The following SPC25 variants were observed in gnomAD, a reference collection of about 807,000 sequenced individuals.
SPC25 encodes SPC25 component of NDC80 kinetochore complex.
SPC25 carries 22 observed loss-of-function variants against 29.6 expected under a neutral mutation model. That is an observed-to-expected ratio of 0.74 (90% CI 0.53 to 1.06). The LOEUF (loss-of-function observed/expected upper bound fraction) is 1.06. SPC25 is among the 50% of genes least tolerant of loss of function. The pLI is 0.00. For synonymous variants in SPC25, 91 were observed against 90.4 expected, an observed-to-expected ratio of 1.01 and a Z score of -0.04; for missense variants, 230 against 255.8, an observed-to-expected ratio of 0.90 and a Z score of 0.69.
At chr2:168,888,924 C>CGT (rs375198489) in intron 3 of SPC25, among the ~76,000 whole-genome samples, 2,491 of 87,464 alleles carry the variant, frequency 0.028, 171 homozygotes, top group African/African-American at 0.095. Flanking sequence ...ACTACATGTA[C>CGT]GTGTGTGTGT....
downstream of SPC25, among the ~76,000 whole-genome samples, chr2:168,866,547 C>G (rs1689857071): frequency 6.6e-6 from 1 of 152,020 alleles, no homozygotes. Flanking sequence ...TAGGCAATAC[C>G]ATTCAGGACA....
intron 4 of SPC25, among the ~76,000 whole-genome samples, chr2:168,863,155 T>C (rs1689580193): frequency 6.6e-6 from 1 of 152,208 alleles, no homozygotes; most frequent in African/African-American, 2.4e-5. Flanking sequence ...ATACTTTATA[T>C]TCTAAGCAGT....
chr2:168,872,438 T>C (rs112521678), intron 6 of SPC25, among the ~76,000 whole-genome samples: 3,063 of 152,264 alleles, frequency 0.02, 81 homozygotes, highest in African/African-American at 0.068. Context: ...AATAACAGTA[T>C]TGTCCTTGTA....
intron 4 of SPC25, chr2:168,864,694 T>G: frequency 3.6e-6 from 3 of 841,806 alleles, no homozygotes; most frequent in Non-Finnish European, 5.6e-6. Context: ...TTCGATACAT[T>G]TGGCTTCATC....
intron 6 of SPC25, among the ~76,000 whole-genome samples, chr2:168,872,406 T>A (rs1047205996): frequency 6.6e-6 from 1 of 152,184 alleles, no homozygotes; most frequent in Non-Finnish European, 1.5e-5. Context: ...GGGCTATTAA[T>A]CAAATGAGAC....
At chr2:168,865,302 T>C (rs898627652) in intron 4 of SPC25, 3 of 212,800 alleles carry the variant, frequency 1.4e-5, no homozygotes, top group Admixed American at 5.2e-5. Flanking sequence ...GTCAGAGTTA[T>C]CTGGTAGACA....
At chr2:168,869,135 G>A (rs1160340696), downstream of SPC25, among the ~76,000 whole-genome samples, 8 of 152,114 alleles carry the variant, frequency 5.3e-5, no homozygotes, top group Admixed American at 5.2e-4. Flanking sequence ...ATGCGGAAAA[G>A]GCCTTTGACA....
At chr2:168,866,340 G>A (rs543028851), downstream of SPC25, among the ~76,000 whole-genome samples, 14 of 152,410 alleles carry the variant, frequency 9.2e-5, no homozygotes, top group Non-Finnish European at 1.8e-4. Flanking sequence ...ACAACTATCT[G>A]ATCTTTGACA....
intron 3 of SPC25, among the ~76,000 whole-genome samples, chr2:168,884,038 G>C (rs946629868): frequency 4.9e-4 from 74 of 152,228 alleles, no homozygotes; most frequent in African/African-American, 1.6e-3. Context: ...CAAATTGCTA[G>C]GACTACAGGT....
intron 5 of SPC25, among the ~76,000 whole-genome samples, chr2:168,874,959 G>C (rs149366735): frequency 4.9e-3 from 749 of 152,218 alleles, no homozygotes; most frequent in Non-Finnish European, 8.9e-3. Context: ...TCCTTCTAGT[G>C]AATCACCAAA....
At chr2:168,869,383 A>G (rs189663023), downstream of SPC25, among the ~76,000 whole-genome samples, 25 of 152,334 alleles carry the variant, frequency 1.6e-4, no homozygotes, top group East Asian at 3.9e-3. Flanking sequence ...AAGGAAATAA[A>G]GGGCATTCAA....
At chr2:168,861,919 C>T in intron 4 of SPC25, 1 of 1,566,958 alleles carries the variant, frequency 6.4e-7, no homozygotes, top group Non-Finnish European at 8.8e-7. Flanking sequence ...ATTCATTTGC[C>T]TGCTAACACA....
At chr2:168,888,970 T>TACACAC (rs763325235) in intron 3 of SPC25, among the ~76,000 whole-genome samples, 16 of 92,106 alleles carry the variant, frequency 1.7e-4, no homozygotes, top group African/African-American at 7.9e-4. Flanking sequence ...TATATATATA[T>TACACAC]ATACACACAC....
At chr2:168,877,118 T>G in intron 4 of SPC25, 120 bp downstream of exon 4, 7 of 1,024,606 alleles carry the variant, frequency 6.8e-6, no homozygotes, top group Non-Finnish European at 9.8e-6. Flanking sequence ...TGGCTGGTTA[T>G]GCCCTGGGGT....
downstream of SPC25, among the ~76,000 whole-genome samples, chr2:168,870,579 T>G (rs1224349911): frequency 6.6e-6 from 1 of 151,760 alleles, no homozygotes; most frequent in African/African-American, 2.4e-5. Flanking sequence ...AAAGAAGACA[T>G]TTATGCAGCC....
In SPC25 at chr2:168,888,972, TAC is replaced by T. The variant is rs1553539509; in HGVS notation, c.199+252_199+253del. ...GTGTGTGTGTGTATATATATATATA[TAC>T]ACACACACATATATATGTATATATA... On this transcript the variant is annotated intron_variant, in intron 3 of 6. Coordinates refer to ENST00000282074, the MANE Select transcript of SPC25 (RefSeq NM_020675.4). Among the ~76,000 whole-genome samples the T allele has an allele frequency of 3.9e-5, 4 of 103,280 alleles. 1 individual carries two copies. Among genetic ancestry groups the T allele is most frequent in the South Asian group, 3.2e-4 (1 of 3,136 alleles). The allele number at this position is 103,280 out of a possible 152,430, so 67.8% of individuals were successfully genotyped here.
At chr2:168,874,143 T>A (rs990090982) in intron 5 of SPC25, among the ~76,000 whole-genome samples, 1 of 152,156 alleles carries the variant, frequency 6.6e-6, no homozygotes, top group Non-Finnish European at 1.5e-5. Flanking sequence ...TCAACATCAT[T>A]AGTCATTATG....
rs142395609 is a variant in SPC25, at chr2:168,888,677, T to C, written c.199+549A>G. ...ATAGGATGTTCTTTCTTAAACTGTATAGTATGTCAATGTTTATTCCTATAT... is the reference window on the plus strand; with the variant it reads ...ATAGGATGTTCTTTCTTAAACTGTACAGTATGTCAATGTTTATTCCTATAT... On this transcript the variant is annotated intron_variant, in intron 3 of 6. Transcript: ENST00000282074. 3.6e-3 allele frequency among the ~76,000 whole-genome samples: 545 copies of C among 152,086 alleles called. 3 individuals are homozygous for C. The highest frequency in any genetic ancestry group is 0.012 in the African/African-American group (503 of 41,502).
At chr2:168,870,836 A>G (rs1689965312), downstream of SPC25, 1 of 151,476 alleles carries the variant, frequency 6.6e-6, no homozygotes, top group African/African-American at 2.5e-5. Flanking sequence ...ATACCATTTG[A>G]CCCAGCCCTC....
Sources: allele counts gnomAD v4.1 joint callset (sites outside exome capture counted in the v4.1 genomes callset), GRCh38; gene constraint gnomAD v4.1.1; transcripts MANE v1.5; gene names NCBI Gene and HGNC (gene_info 2026-07-23, HGNC 2026-07-21).